CHST12: variants seen among roughly 807,000 people sequenced by gnomAD.
CHST12 encodes carbohydrate (chondroitin 4) sulfotransferase 12.
CHST12 carries 23 observed loss-of-function variants against 27.9 expected under a neutral mutation model. That is an observed-to-expected ratio of 0.82 (90% confidence interval 0.59 to 1.17). CHST12 has a LOEUF of 1.17. Ranked by LOEUF, CHST12 falls within the 50% of genes most tolerant of loss-of-function variation. The probability of loss-of-function intolerance (pLI) is 0.00; values close to 1 mark genes in which losing one functional copy is unlikely to be tolerated. For synonymous variants in CHST12, 322 were observed against 273.0 expected, an observed-to-expected ratio of 1.18 and a Z score of -1.77; for missense variants, 682 against 603.0, an observed-to-expected ratio of 1.13 and a Z score of -1.37.
intron 1 of CHST12, among the ~76,000 whole-genome samples, chr7:2,419,106 C>T (rs1356304896): frequency 1.3e-5 from 2 of 152,136 alleles, no homozygotes; most frequent in Admixed American, 6.6e-5. Flanking sequence ...CTGTCCAAAC[C>T]GCCTTTTAAA....
At chr7:2,415,986 G>C (rs1366430566) in intron 1 of CHST12, among the ~76,000 whole-genome samples, 2 of 152,262 alleles carry the variant, frequency 1.3e-5, no homozygotes, top group East Asian at 3.9e-4. Flanking sequence ...TTTTCCTGTA[G>C]CACGTGATGC....
At chr7:2,423,533 G>A (rs1053572889) in intron 1 of CHST12, among the ~76,000 whole-genome samples, 1 of 152,148 alleles carries the variant, frequency 6.6e-6, no homozygotes, top group African/African-American at 2.4e-5. Context: ...TTTGAGACAC[G>A]TATTAGCTGT....
intron 1 of CHST12, among the ~76,000 whole-genome samples, chr7:2,413,043 T>C (rs1236102352): frequency 6.6e-6 from 1 of 152,242 alleles, no homozygotes; most frequent in Non-Finnish European, 1.5e-5. Flanking sequence ...GAAAGTGCTT[T>C]ACTATTTTAT....
At chr7:2,423,911 A>G (rs1782041657) in intron 1 of CHST12, among the ~76,000 whole-genome samples, 1 of 151,580 alleles carries the variant, frequency 6.6e-6, no homozygotes, top group African/African-American at 2.4e-5. Context: ...TACCCAGAAT[A>G]CAAAAATTAG....
chr7:2,429,767 T>G (rs1331747632), intron 1 of CHST12, among the ~76,000 whole-genome samples: 1 of 152,122 alleles, frequency 6.6e-6, no homozygotes, highest in Non-Finnish European at 1.5e-5. Flanking sequence ...TTCATTTGTT[T>G]GGTTGGTTTT....
intron 1 of CHST12, among the ~76,000 whole-genome samples, chr7:2,422,380 G>GA (rs1781999594): frequency 6.6e-6 from 1 of 151,810 alleles, no homozygotes; most frequent in Non-Finnish European, 1.5e-5. Context: ...GAGTAGCTGG[G>GA]ATTACAGGCA....
chr7:2,428,366 T>G (rs1211033638), intron 1 of CHST12, among the ~76,000 whole-genome samples: 1 of 152,060 alleles, frequency 6.6e-6, no homozygotes, highest in Non-Finnish European at 1.5e-5. Context: ...AGCTAATTTT[T>G]TGTATTTTTT....
chr7:2,445,296 C>G lies in CHST12; in HGVS notation c.*11412C>G, dbSNP rs939385933. On this transcript the variant is annotated 3_prime_UTR_variant, in exon 2 of 2. Coordinates refer to ENST00000618655, the MANE Select transcript of CHST12 (RefSeq NM_018641.5). ...GGACTTGGCACGCCCTGTCTCAGGC[C>G]TGGCTCTGGCTCTGGGTGGATGTTT... The G allele has an allele frequency of 2.0e-5, 3 of 152,298 alleles. No homozygotes were observed. The highest frequency in any genetic ancestry group is 4.4e-5 in the Non-Finnish European group (3 of 68,142). The allele number at this position is 152,298 out of a possible 1,614,324, so 9.4% of individuals were successfully genotyped here.
chr7:2,426,464 T>C (rs1474186537), intron 1 of CHST12, among the ~76,000 whole-genome samples: 1 of 151,786 alleles, frequency 6.6e-6, no homozygotes, highest in Admixed American at 6.6e-5. Context: ...CTATGGAGAG[T>C]GCATAGTCTG....
intron 1 of CHST12, among the ~76,000 whole-genome samples, chr7:2,421,438 C>CTTT (rs566799688): frequency 2.4e-5 from 3 of 127,210 alleles, no homozygotes; most frequent in Non-Finnish European, 1.7e-5. Flanking sequence ...TTTTTTTTTA[C>CTTT]TTTTTTTTTT....
chr7:2,407,586 T>A (rs1158168454), intron 1 of CHST12, among the ~76,000 whole-genome samples: 3 of 152,148 alleles, frequency 2.0e-5, no homozygotes, highest in Non-Finnish European at 4.4e-5. Context: ...GTACCACGGG[T>A]GAAAATGCAG....
chr7:2,415,998 G>A (rs1227843168), intron 1 of CHST12, among the ~76,000 whole-genome samples: 1 of 152,168 alleles, frequency 6.6e-6, no homozygotes, highest in African/African-American at 2.4e-5. Flanking sequence ...ACGTGATGCT[G>A]TTTGATAACA....
At chr7:2,403,597 C>T (rs1381701951), upstream of CHST12, 3 of 151,796 alleles carry the variant, frequency 2.0e-5, no homozygotes, top group African/African-American at 4.9e-5. Flanking sequence ...AGGGCTGCCT[C>T]TGGGGGGTCC....
In CHST12 at chr7:2,440,419, GTGTT is replaced by G. The variant is rs2115460055; in HGVS notation, c.*6538_*6541del. Reference sequence around the variant, plus strand: ...TGTGCAAGAGAATGTGTGTGTGTGTGTGTTTGGAGATTTGGACTTGAAAATTCTA... The same window carrying G: ...TGTGCAAGAGAATGTGTGTGTGTGTGTGGAGATTTGGACTTGAAAATTCTA... On this transcript the variant is annotated 3_prime_UTR_variant, in exon 2 of 2. Coordinates refer to ENST00000618655, the MANE Select transcript of CHST12 (RefSeq NM_018641.5). The G allele has an allele frequency of 6.5e-6, 1 of 153,546 alleles. No individual in the cohort carries two copies. The highest frequency in any genetic ancestry group is 2.4e-5 in the African/African-American group (1 of 41,612). The allele number at this position is 153,546 out of a possible 1,614,324, so 9.5% of individuals were successfully genotyped here. A position where few individuals can be genotyped will look rare whatever the true frequency, so the allele number is the denominator to read the frequency against.
rs1193748803 is a variant in CHST12, at chr7:2,433,198, G to A, written c.559G>A (p.Gly187Arg). 1.9e-6 allele frequency: 3 copies of A among 1,612,870 alleles called. No individual in the cohort carries two copies. The highest frequency in any genetic ancestry group is 1.1e-5 in the South Asian group (1 of 91,062). Reference sequence around the variant, plus strand: ...GAAGCGCGTGATGATCGTGCTGAGCGGAAGCCTGCTGCACCGCGGTGCGCC... The same window carrying A: ...GAAGCGCGTGATGATCGTGCTGAGCAGAAGCCTGCTGCACCGCGGTGCGCC... ...NWKRVMIVLSGSLLHRGAPYR... is the reference protein window; with the variant it reads ...NWKRVMIVLSRSLLHRGAPYR... Residue 187 changes from glycine to arginine, a missense_variant, in exon 2 of 2, where the codon GGA (glycine) becomes AGA (arginine). By Grantham distance (125) the Gly-to-Arg change is moderately radical (BLOSUM62 -2). Coordinates refer to ENST00000618655, the MANE Select transcript of CHST12 (RefSeq NM_018641.5). This position sits in a 1 kb window ranked among gnomAD's most constrained non-coding sequence, Gnocchi z 6.1.
At chr7:2,428,093 A>G (rs1782177611) in intron 1 of CHST12, among the ~76,000 whole-genome samples, 1 of 151,964 alleles carries the variant, frequency 6.6e-6, no homozygotes, top group African/African-American at 2.4e-5. Context: ...GTGAGTCACT[A>G]TGCTGTGATT....
Position 2,432,951 on chromosome 7 carries a change from C to T in CHST12, c.312C>T (p.Tyr104=), listed in dbSNP as rs753446844. ...PGSMEESVRG[Y]DWSPRDARRS... is the part of the protein sequence containing the mutation. Reference sequence around the variant, plus strand: ...GCATGGAGGAGAGCGTGAGAGGCTACGACTGGTCCCCGCGCGACGCCCGGC... The same window carrying T: ...GCATGGAGGAGAGCGTGAGAGGCTATGACTGGTCCCCGCGCGACGCCCGGC... The change falls in exon 2 of 2, where the codon TAC becomes TAT. Residue 104 remains tyrosine, a synonymous_variant. Coordinates refer to ENST00000618655, the MANE Select transcript of CHST12 (RefSeq NM_018641.5). 6.8e-6 allele frequency: 11 copies of T among 1,610,934 alleles called. No homozygotes were observed. The highest frequency in any genetic ancestry group is 1.7e-5 in the Admixed American group (1 of 59,938).
At chr7:2,422,475 C>T (rs1782003813) in intron 1 of CHST12, among the ~76,000 whole-genome samples, 2 of 152,014 alleles carry the variant, frequency 1.3e-5, no homozygotes, top group African/African-American at 4.8e-5. Flanking sequence ...GAACTCCTGA[C>T]CTCAGGTGAT....
chr7:2,420,386 A>T (rs530037631), intron 1 of CHST12, among the ~76,000 whole-genome samples: 1 of 152,198 alleles, frequency 6.6e-6, no homozygotes, highest in Non-Finnish European at 1.5e-5. Flanking sequence ...GTAATATTCT[A>T]CTACATGGGT....
Sources: allele counts gnomAD v4.1 joint callset (sites outside exome capture counted in the v4.1 genomes callset), GRCh38; gene constraint gnomAD v4.1.1; non-coding constraint Gnocchi (gnomAD v3.1); transcripts MANE v1.5; gene names NCBI Gene and HGNC (gene_info 2026-07-23, HGNC 2026-07-21).